The following CTNNA3 variants were observed in gnomAD, a reference collection of about 807,000 sequenced individuals.
CTNNA3 encodes catenin alpha-3.
CTNNA3 carries 76 observed loss-of-function variants against 95.7 expected under a neutral mutation model. The ratio of observed to expected loss-of-function variants is 0.79; its 90% CI spans 0.66 to 0.96. The LOEUF (loss-of-function observed/expected upper bound fraction) is 0.96, where lower values mean the gene tolerates loss of function less well. Ranked by LOEUF, CTNNA3 falls within the 40% of genes least tolerant of loss-of-function variation. CTNNA3 has a pLI of 0.00. For missense variants in CTNNA3, 1,191 were observed against 1,089.8 expected (o/e 1.09, Z -1.31); for synonymous variants, 431 against 374.4 (o/e 1.15, Z -1.74).
At chr10:66,736,689 CTAA>C (rs1411071928) in intron 9 of CTNNA3, among the ~76,000 whole-genome samples, 4 of 151,702 alleles carry the variant, frequency 2.6e-5, no homozygotes, top group African/African-American at 9.7e-5. Flanking sequence ...CCTATTTGAC[CTAA>C]TATATATTTA....
At chr10:67,172,511 T>A (rs1413779957) in intron 7 of CTNNA3, among the ~76,000 whole-genome samples, 3 of 152,148 alleles carry the variant, frequency 2.0e-5, no homozygotes, top group South Asian at 4.1e-4. Flanking sequence ...TATTCTTGTG[T>A]TTATTATATA....
At chr10:67,117,142 G>A (rs955158564) in intron 7 of CTNNA3, among the ~76,000 whole-genome samples, 6 of 151,830 alleles carry the variant, frequency 4.0e-5, no homozygotes, top group Non-Finnish European at 7.4e-5. Context: ...ACAGCCCTGG[G>A]TCTGATCAGT....
At chr10:66,814,672 G>T (rs1400433321) in intron 7 of CTNNA3, among the ~76,000 whole-genome samples, 2 of 152,038 alleles carry the variant, frequency 1.3e-5, no homozygotes, top group Non-Finnish European at 2.9e-5. Context: ...GCTGAGGTGG[G>T]AGTATTGCTT....
intron 5 of CTNNA3, among the ~76,000 whole-genome samples, chr10:67,317,166 GTTTTGT>G (rs1037883380): frequency 1.5e-4 from 10 of 67,878 alleles, no homozygotes; most frequent in Admixed American, 3.5e-4. Context: ...GTTTTGTTTT[GTTTTGT>G]TTTTTTCTTT....
intron 13 of CTNNA3, among the ~76,000 whole-genome samples, chr10:66,153,284 C>G (rs2084300783): frequency 6.6e-6 from 1 of 151,834 alleles, no homozygotes; most frequent in Non-Finnish European, 1.5e-5. Context: ...ATTTCAACAT[C>G]TGGGTCGTCT....
At chr10:66,531,726 A>G (rs909606502) in intron 10 of CTNNA3, among the ~76,000 whole-genome samples, 3 of 152,208 alleles carry the variant, frequency 2.0e-5, no homozygotes, top group African/African-American at 7.2e-5. Flanking sequence ...AATTGAATCT[A>G]CACACAATTT....
chr10:67,249,902 A>T (rs1299584124), intron 5 of CTNNA3, among the ~76,000 whole-genome samples: 1 of 152,226 alleles, frequency 6.6e-6, no homozygotes, highest in African/African-American at 2.4e-5. Flanking sequence ...ACCCACACAG[A>T]CATGGGTAGA....
At chr10:66,895,937 A>T (rs1845468208) in intron 7 of CTNNA3, among the ~76,000 whole-genome samples, 2 of 146,114 alleles carry the variant, frequency 1.4e-5, no homozygotes, top group African/African-American at 5.0e-5. Flanking sequence ...AAAAAAAAAG[A>T]ACACACAGAA....
intron 12 of CTNNA3, among the ~76,000 whole-genome samples, chr10:66,329,238 C>T (rs773788959): frequency 2.0e-5 from 3 of 151,710 alleles, no homozygotes; most frequent in Non-Finnish European, 2.9e-5. Context: ...GGGTGAGCCA[C>T]GGCGCCCAGC....
At chr10:66,865,436 T>C (rs1200707381) in intron 7 of CTNNA3, among the ~76,000 whole-genome samples, 1 of 152,132 alleles carries the variant, frequency 6.6e-6, no homozygotes, top group African/African-American at 2.4e-5. Flanking sequence ...AATTCGAGTA[T>C]GTGTGCTTTT....
At chr10:66,446,863 T>C (rs905953304) in intron 11 of CTNNA3, among the ~76,000 whole-genome samples, 1 of 151,926 alleles carries the variant, frequency 6.6e-6, no homozygotes, top group Non-Finnish European at 1.5e-5. Context: ...GGTATTCAAT[T>C]AGGAAAAGAG....
At chr10:67,712,264 A>G (rs1190003821) in intron 1 of CTNNA3, among the ~76,000 whole-genome samples, 1 of 152,248 alleles carries the variant, frequency 6.6e-6, no homozygotes, top group African/African-American at 2.4e-5. Flanking sequence ...GAAAATTTTC[A>G]GCCTGACAAT....
chr10:66,074,494 G>A (rs2080508548), intron 14 of CTNNA3, among the ~76,000 whole-genome samples: 1 of 151,750 alleles, frequency 6.6e-6, no homozygotes, highest in African/African-American at 2.4e-5. Flanking sequence ...TAAGCTATTT[G>A]TTGCTGCAGG....
At chr10:67,193,275 G>A (rs1904652) in intron 6 of CTNNA3, among the ~76,000 whole-genome samples, 55,576 of 151,836 alleles carry the variant, frequency 0.37, 14,573 homozygotes, top group African/African-American at 0.75. Context: ...ATCACATTGT[G>A]TACCTTTAAT....
chr10:67,119,701 G>C (rs1859364082), intron 7 of CTNNA3, among the ~76,000 whole-genome samples: 1 of 151,840 alleles, frequency 6.6e-6, no homozygotes, highest in South Asian at 2.1e-4. Flanking sequence ...AGTAGTGAAT[G>C]AGAATTCATT....
At chr10:66,431,129 A>G (rs1306486382) in intron 11 of CTNNA3, among the ~76,000 whole-genome samples, 1 of 152,192 alleles carries the variant, frequency 6.6e-6, no homozygotes, top group Non-Finnish European at 1.5e-5. Flanking sequence ...TATGCAGCCT[A>G]CAGACACATG....
At chr10:66,565,427 G>A (rs972909782) in intron 10 of CTNNA3, among the ~76,000 whole-genome samples, 1 of 152,204 alleles carries the variant, frequency 6.6e-6, no homozygotes, top group Non-Finnish European at 1.5e-5. Context: ...GGCTCAAGAA[G>A]AGAGGCCATT....
At chr10:67,101,163 T>C (rs1858314510) in intron 7 of CTNNA3, among the ~76,000 whole-genome samples, 1 of 151,610 alleles carries the variant, frequency 6.6e-6, no homozygotes. Context: ...GCTCCCAAGA[T>C]GTGGATGCAT....
rs539548153 is a variant in CTNNA3 at position 67,478,192 on chromosome 10, G to A, written c.579+43650C>T. On this transcript the variant is annotated intron_variant, in intron 5 of 17. Coordinates refer to ENST00000433211, the MANE Select transcript of CTNNA3 (RefSeq NM_013266.4). ...ATTGAGAATTAGGGAATTATGTAAAGTGACCAAAACCATGAATTATCAAAA... is the reference window on the plus strand; with the variant it reads ...ATTGAGAATTAGGGAATTATGTAAAATGACCAAAACCATGAATTATCAAAA... Among the ~76,000 whole-genome samples, 7 of 152,276 alleles carry A rather than the reference G, an allele frequency of 4.6e-5. No individual in the cohort carries two copies. The South Asian group carries it at 1.4e-3, about 32-fold the overall frequency.
Sources: gnomAD v4.1 joint callset for allele counts (sites outside exome capture counted in the v4.1 genomes callset) on GRCh38, gnomAD v4.1.1 for gene constraint, MANE v1.5 for transcripts, NCBI Gene and HGNC (gene_info 2026-07-23, HGNC 2026-07-21) for gene names.